The following RIMS1 variants were observed in gnomAD, a reference collection of about 807,000 sequenced individuals.
RIMS1 encodes regulating synaptic membrane exocytosis 1, also known as regulating synaptic membrane exocytosis protein 1.
A neutral mutation model predicts 214.1 loss-of-function variants in RIMS1; 83 were observed. That is an observed-to-expected ratio of 0.39 (90% CI 0.32 to 0.47). RIMS1 has a LOEUF of 0.47. RIMS1 is among the 20% of genes least tolerant of loss of function. The pLI is 0.99. For missense variants in RIMS1, 2,050 were observed against 2,161.8 expected (o/e 0.95, Z 1.03); for synonymous variants, 793 against 786.8 (o/e 1.01, Z -0.13).
chr6:72,261,080 G>A, intron 19 of RIMS1: 1 of 1,203,890 alleles, frequency 8.3e-7, no homozygotes, highest in African/African-American at 1.6e-5. Context: ...CACTGTGAGT[G>A]CCCCCAACTT....
At chr6:72,305,990 TAA>T (rs745733874) in intron 26 of RIMS1, among the ~76,000 whole-genome samples, 1 of 152,164 alleles carries the variant, frequency 6.6e-6, no homozygotes, top group Admixed American at 6.5e-5. Context: ...TTGAACACAA[TAA>T]AAGTTACAGA....
At chr6:72,044,586 G>A (rs1301282313) in intron 2 of RIMS1, among the ~76,000 whole-genome samples, 3 of 151,792 alleles carry the variant, frequency 2.0e-5, no homozygotes, top group South Asian at 4.2e-4. Flanking sequence ...GATGATCATG[G>A]CAAATTAGCA....
At chr6:72,291,852 T>C (rs1563656262) in intron 25 of RIMS1, 82 bp from the exon 26 acceptor site, 3 of 1,002,280 alleles carry the variant, frequency 3.0e-6, no homozygotes, top group African/African-American at 1.6e-5. Context: ...TCTATTTTAA[T>C]CGTAACAGAA....
chr6:72,047,207 T>C (rs1823320649), intron 2 of RIMS1, among the ~76,000 whole-genome samples: 1 of 152,232 alleles, frequency 6.6e-6, no homozygotes, highest in Non-Finnish European at 1.5e-5. Flanking sequence ...TATTTGTGCT[T>C]CTGTTGCAGT....
chr6:72,381,084 C>T (rs12199026), intron 29 of RIMS1, among the ~76,000 whole-genome samples: 25,873 of 152,104 alleles, frequency 0.17, 2,700 homozygotes, highest in Non-Finnish European at 0.23. Flanking sequence ...TCTTAACATT[C>T]GAGAGGTCAA....
chr6:71,980,059 AATCACTGCT>A (rs1798111424), intron 2 of RIMS1, among the ~76,000 whole-genome samples: 1 of 152,130 alleles, frequency 6.6e-6, no homozygotes, highest in Admixed American at 6.6e-5. Context: ...TTACTCTGTG[AATCACTGCT>A]ATTTCCTCTG....
At chr6:71,956,111 A>G (rs1017863337) in intron 1 of RIMS1, among the ~76,000 whole-genome samples, 1 of 152,136 alleles carries the variant, frequency 6.6e-6, no homozygotes, top group African/African-American at 2.4e-5. Flanking sequence ...TATATATGAA[A>G]TGTATGTATG....
intron 2 of RIMS1, among the ~76,000 whole-genome samples, chr6:72,064,693 A>C (rs909661463): frequency 6.6e-3 from 3 of 458 alleles, no homozygotes; most frequent in African/African-American, 0.011. Flanking sequence ...ATGATGATGA[A>C]GTTTAAAAAA....
chr6:72,148,299 G>A (rs1280946790), intron 4 of RIMS1, among the ~76,000 whole-genome samples: 1 of 152,128 alleles, frequency 6.6e-6, no homozygotes, highest in African/African-American at 2.4e-5. Flanking sequence ...GACTGAAGAT[G>A]TTTGGTTAAC....
intron 6 of RIMS1, 87 bp from the exon 7 acceptor site, chr6:72,233,686 T>G: frequency 1.0e-6 from 1 of 969,846 alleles, no homozygotes; most frequent in Non-Finnish European, 1.6e-6. Flanking sequence ...ATATTAAAAC[T>G]CTTTATAGAT....
intron 1 of RIMS1, among the ~76,000 whole-genome samples, chr6:71,964,252 G>T (rs544076520): frequency 6.6e-6 from 1 of 152,276 alleles, no homozygotes; most frequent in African/African-American, 2.4e-5. Context: ...AGGCAGGAAG[G>T]TAGATGGAGG....
At chr6:71,893,784 C>G (rs1379501841) in intron 1 of RIMS1, among the ~76,000 whole-genome samples, 1 of 152,140 alleles carries the variant, frequency 6.6e-6, no homozygotes, top group Non-Finnish European at 1.5e-5. Flanking sequence ...TTAGATGTTT[C>G]TGCTTCTGTT....
rs2249021 is a variant in RIMS1 at position 72,179,769 on chromosome 6, A to G, written c.666A>G (p.Leu222=). ...AGCGATCGCGGTCTCAGACACCCCT[A>G]AGCACAGCAGCTGCCTCCTCCCAGG... ...LQERSRSQTP[L]STAAASSQDA... is the part of the protein sequence containing the mutation. Residue 222 remains leucine (L), a synonymous_variant, in exon 5 of 34, where the codon CTA becomes CTG. Coordinates refer to ENST00000521978, the MANE Select transcript of RIMS1 (RefSeq NM_014989.7). 0.65 allele frequency: 1,050,710 copies of G among 1,613,444 alleles called. 344,998 individuals carry two copies. The highest frequency in any genetic ancestry group is 0.87 in the East Asian group (38,813 of 44,822).
chr6:71,887,812 C>A (rs560781032), intron 1 of RIMS1, among the ~76,000 whole-genome samples: 6 of 152,330 alleles, frequency 3.9e-5, no homozygotes, highest in African/African-American at 1.4e-4. Flanking sequence ...GTCTTCTACA[C>A]AGCATACCTG....
At chr6:72,119,411 G>T (rs1287654629) in intron 4 of RIMS1, among the ~76,000 whole-genome samples, 2 of 151,600 alleles carry the variant, frequency 1.3e-5, no homozygotes, top group Non-Finnish European at 3.0e-5. Flanking sequence ...CAGATTTAGG[G>T]CAATTCCCAT....
Position 72,068,645 on chromosome 6 carries a change from G to A in RIMS1, c.246-28304G>A, listed in dbSNP as rs934143318. On this transcript the variant is annotated intron_variant, in intron 2 of 33. Transcript: ENST00000521978. ...CAATAGGAATTTATGAGGTGCTGGC[G>A]GGGCGTGGTGGCTCATGCCTGTAAG... Among the ~76,000 whole-genome samples the A allele has an allele frequency of 7.9e-5, 12 of 152,056 alleles. 1 individual carries two copies. Among genetic ancestry groups the A allele is most frequent in the Admixed American group, 1.3e-4 (2 of 15,262 alleles).
intron 26 of RIMS1, among the ~76,000 whole-genome samples, chr6:72,302,233 C>A (rs1176406245): frequency 6.6e-6 from 1 of 151,450 alleles, no homozygotes; most frequent in Non-Finnish European, 1.5e-5. Flanking sequence ...TATTTTGCCA[C>A]ATTGATTCCA....
At chr6:71,916,345 G>T (rs546647852) in intron 1 of RIMS1, among the ~76,000 whole-genome samples, 1 of 152,100 alleles carries the variant, frequency 6.6e-6, no homozygotes, top group Non-Finnish European at 1.5e-5. Context: ...TCATTGATGA[G>T]AGTGTTTGTA....
chr6:72,323,507 T>C (rs2096279940), intron 28 of RIMS1, among the ~76,000 whole-genome samples: 2 of 151,690 alleles, frequency 1.3e-5, no homozygotes, highest in African/African-American at 2.4e-5. Flanking sequence ...AAACCAAGGA[T>C]TAATGAACTA....
Sources: allele counts gnomAD v4.1 joint callset (sites outside exome capture counted in the v4.1 genomes callset), GRCh38; gene constraint gnomAD v4.1.1; transcripts MANE v1.5; gene names NCBI Gene and HGNC (gene_info 2026-07-23, HGNC 2026-07-21).